The following ESRP1 variants were observed in gnomAD, a reference collection of about 807,000 sequenced individuals.
ESRP1 encodes RNA-binding motif protein 35A.
In ESRP1, 33 loss-of-function variants were observed where a neutral mutation model predicts 81.7. That is an observed-to-expected ratio of 0.40 (90% CI 0.31 to 0.54). ESRP1 has a LOEUF of 0.54. Ranked by LOEUF, ESRP1 falls within the 20% of genes least tolerant of loss-of-function variation. The pLI is 0.41. For missense variants in ESRP1, 672 were observed against 833.1 expected, an observed-to-expected ratio of 0.81 and a Z score of 2.38; for synonymous variants, 320 against 303.3, an observed-to-expected ratio of 1.06 and a Z score of -0.57.
At chr8:94,705,216 G>A (rs1265177103) in intron 15 of ESRP1, among the ~76,000 whole-genome samples, 3 of 138,412 alleles carry the variant, frequency 2.2e-5, no homozygotes, top group African/African-American at 8.0e-5. Flanking sequence ...TGCCCAGGCT[G>A]GAGTGCAATG....
intron 10 of ESRP1, among the ~76,000 whole-genome samples, chr8:94,668,955 G>T (rs1177333143): frequency 6.6e-6 from 1 of 152,154 alleles, no homozygotes; most frequent in Non-Finnish European, 1.5e-5. Flanking sequence ...ACCACACCCA[G>T]CTAAGTTTTG....
chr8:94,659,957 AG>A (rs1563524781), intron 4 of ESRP1, among the ~76,000 whole-genome samples: 1 of 152,218 alleles, frequency 6.6e-6, no homozygotes, highest in Non-Finnish European at 1.5e-5. Context: ...GAGAGAAGTG[AG>A]GAAGCTGCAG....
At chr8:94,680,627 A>G (rs1563539160) in intron 13 of ESRP1, among the ~76,000 whole-genome samples, 1 of 151,950 alleles carries the variant, frequency 6.6e-6, no homozygotes. Flanking sequence ...GGGTTTCTCC[A>G]TGTTGGTGAG....
chr8:94,655,533 A>G (rs1436101103), intron 4 of ESRP1, among the ~76,000 whole-genome samples: 2 of 151,686 alleles, frequency 1.3e-5, no homozygotes, highest in Non-Finnish European at 2.9e-5. Context: ...TTATGGTGAC[A>G]TTTTTTGTTT....
Position 94,678,295 on chromosome 8 carries a change from C to T in ESRP1, c.1744C>T (p.Arg582Ter). The change falls in exon 13 of 16, where the codon CGA becomes TGA. Residue 582 changes from arginine to a stop codon, truncating the protein, a stop_gained. Coordinates refer to ENST00000433389, the MANE Select transcript of ESRP1 (RefSeq NM_017697.4). LOFTEE classifies it high-confidence loss of function. Reference protein sequence around the residue: ...IYQPSVILNPRALQPSTAYYP... With the variant: ...IYQPSVILNP ...CCAGCCCTCTGTGATTTTGAATCCA[C>T]GAGCACTGCAGCCCTCCACAGCGTA... The T allele has an allele frequency of 1.2e-6, 2 of 1,614,008 alleles. No homozygotes were observed. The highest frequency in any genetic ancestry group is 8.5e-7 in the Non-Finnish European group (1 of 1,179,898).
chr8:94,641,896 G>A, intron 1 of ESRP1, 60 bp from the exon 2 acceptor site: 6 of 1,598,590 alleles, frequency 3.8e-6, no homozygotes, highest in Non-Finnish European at 5.1e-6. Context: ...CGAGGGAGGA[G>A]GGTGCAGAAA....
At chr8:94,669,430 C>G (rs1819193484) in intron 10 of ESRP1, among the ~76,000 whole-genome samples, 1 of 152,108 alleles carries the variant, frequency 6.6e-6, no homozygotes, top group Admixed American at 6.6e-5. Flanking sequence ...AATAATTATG[C>G]AAAGTTAAGA....
intron 6 of ESRP1, among the ~76,000 whole-genome samples, chr8:94,663,455 A>C (rs531739762): frequency 6.6e-6 from 1 of 152,164 alleles, no homozygotes; most frequent in South Asian, 2.1e-4. Context: ...CGTGTTGACC[A>C]GGCTGGTCTC....
chr8:94,685,443 G>A (rs1193065009), intron 13 of ESRP1, among the ~76,000 whole-genome samples: 1 of 152,176 alleles, frequency 6.6e-6, no homozygotes, highest in Non-Finnish European at 1.5e-5. Flanking sequence ...GCGGGAGCTT[G>A]AGGCTGCAGT....
At position 94,646,082 on chromosome 8, in the gene ESRP1, T is replaced by G. The variant is rs1563516029; in HGVS notation, c.376-86T>G. 4.4e-6 allele frequency: 3 copies of G among 676,386 alleles called. No individual in the cohort carries two copies. In the East Asian group the frequency reaches 8.2e-5, roughly 19 times the overall value. 41.9% of individuals were successfully genotyped at this position (676,386 alleles called of 1,614,324 possible). ...AAATTTTTCCATTGTAAAATATGCT[T>G]ATATTCAATTTTTAGGTTCCTAATT... is the stretch of plus-strand genomic sequence containing the variant. On this transcript the variant is annotated intron_variant, in intron 3 of 15. Coordinates refer to ENST00000433389, the MANE Select transcript of ESRP1 (RefSeq NM_017697.4).
At chr8:94,656,657 G>A (rs142103735) in intron 4 of ESRP1, among the ~76,000 whole-genome samples, 281 of 152,150 alleles carry the variant, frequency 1.8e-3, no homozygotes, top group African/African-American at 6.4e-3. Flanking sequence ...CATTAGCATA[G>A]GTATTATAAG....
intron 15 of ESRP1, among the ~76,000 whole-genome samples, chr8:94,703,677 C>G (rs1809939490): frequency 6.6e-6 from 1 of 152,166 alleles, no homozygotes; most frequent in Non-Finnish European, 1.5e-5. Flanking sequence ...ACTGATGTAG[C>G]TGGATCCAAG....
At chr8:94,679,082 C>T (rs1455768231) in intron 13 of ESRP1, among the ~76,000 whole-genome samples, 2 of 152,192 alleles carry the variant, frequency 1.3e-5, no homozygotes, top group African/African-American at 4.8e-5. Context: ...TCTGATCCTA[C>T]AGCTATGTTG....
chr8:94,670,204 A>G (rs904235119), intron 10 of ESRP1, among the ~76,000 whole-genome samples: 1 of 152,192 alleles, frequency 6.6e-6, no homozygotes, highest in African/African-American at 2.4e-5. Context: ...AACTAGTCAT[A>G]GGTTCTTCCA....
chr8:94,690,317 G>A (rs1474784387), intron 13 of ESRP1, among the ~76,000 whole-genome samples: 1 of 103,314 alleles, frequency 9.7e-6, no homozygotes, highest in Non-Finnish European at 2.0e-5. Flanking sequence ...ATTTTTAGTG[G>A]AGATGGGATT....
intron 9 of ESRP1, among the ~76,000 whole-genome samples, chr8:94,666,197 A>C (rs1186291053): frequency 6.6e-6 from 1 of 152,208 alleles, no homozygotes; most frequent in African/African-American, 2.4e-5. Flanking sequence ...TAATTGCTAC[A>C]TAGTATTATA....
At chr8:94,669,938 A>G (rs1035763278) in intron 10 of ESRP1, among the ~76,000 whole-genome samples, 2 of 152,102 alleles carry the variant, frequency 1.3e-5, no homozygotes, top group African/African-American at 2.4e-5. Flanking sequence ...GAATCTCTAA[A>G]ATGTGCTTGA....
At chr8:94,665,547 G>A (rs115047872) in intron 9 of ESRP1, among the ~76,000 whole-genome samples, 3,064 of 152,106 alleles carry the variant, frequency 0.02, 100 homozygotes, top group African/African-American at 0.069. Context: ...ACTGGAGTGC[G>A]GTGGCACAAT....
intron 11 of ESRP1, among the ~76,000 whole-genome samples, chr8:94,671,964 G>T (rs1033196348): frequency 2.6e-5 from 4 of 152,124 alleles, no homozygotes; most frequent in African/African-American, 9.7e-5. Context: ...GCTGTCGTTA[G>T]TATAATAATT....
Sources: gnomAD v4.1 joint callset for allele counts (sites outside exome capture counted in the v4.1 genomes callset) on GRCh38, gnomAD v4.1.1 for gene constraint, MANE v1.5 for transcripts, NCBI Gene and HGNC (gene_info 2026-07-23, HGNC 2026-07-21) for gene names.